TGFBR2: variants seen among roughly 807,000 people sequenced by gnomAD.
The protein encoded by TGFBR2 is TGF-beta receptor type-2.
TGFBR2 carries 18 observed loss-of-function variants against 49.0 expected under a neutral mutation model. That is an observed-to-expected ratio of 0.37 (90% CI 0.25 to 0.54). TGFBR2 has a LOEUF of 0.54. Among genes scored for constraint, TGFBR2 ranks in the 20% least tolerant of loss-of-function variants. The pLI is 0.85. For synonymous variants in TGFBR2, 282 were observed against 275.9 expected (o/e 1.02, Z -0.22); for missense variants, 525 against 722.6 (o/e 0.73, Z 3.13).
At chr3:30,662,838 C>T (rs571460861) in intron 3 of TGFBR2, among the ~76,000 whole-genome samples, 1 of 152,306 alleles carries the variant, frequency 6.6e-6, no homozygotes, top group African/African-American at 2.4e-5. Context: ...AGGAAAGCAT[C>T]TCTATGGCAG....
At chr3:30,612,611 G>C (rs1698049511) in intron 1 of TGFBR2, among the ~76,000 whole-genome samples, 1 of 152,160 alleles carries the variant, frequency 6.6e-6, no homozygotes, top group Non-Finnish European at 1.5e-5. Flanking sequence ...GTTTGACAAT[G>C]GTGTCTTAGT....
intron 3 of TGFBR2, among the ~76,000 whole-genome samples, chr3:30,655,253 G>A (rs1698973360): frequency 6.6e-6 from 1 of 152,212 alleles, no homozygotes; most frequent in South Asian, 2.1e-4. Context: ...CCAGGCCTGT[G>A]TAGCCTTCGG....
At chr3:30,651,055 C>T (rs1202038859) in intron 3 of TGFBR2, among the ~76,000 whole-genome samples, 1 of 152,098 alleles carries the variant, frequency 6.6e-6, no homozygotes, top group Non-Finnish European at 1.5e-5. Context: ...ACCCCTAGAG[C>T]CAGGAGAAGA....
chr3:30,663,403 G>T (rs1412260664), intron 3 of TGFBR2, among the ~76,000 whole-genome samples: 1 of 152,194 alleles, frequency 6.6e-6, no homozygotes, highest in Non-Finnish European at 1.5e-5. Context: ...ATTTGAATAG[G>T]TCAGACCATT....
At chr3:30,636,339 C>T (rs113753710) in intron 1 of TGFBR2, among the ~76,000 whole-genome samples, 1,773 of 152,166 alleles carry the variant, frequency 0.012, 37 homozygotes, top group African/African-American at 0.041. Context: ...ATTAGTATTA[C>T]AAAAACATGT....
Position 30,628,553 on chromosome 3 carries a change from T to C in TGFBR2, c.95-16194T>C, listed in dbSNP as rs887253535. Among the ~76,000 whole-genome samples, 9 of 134,182 alleles carry C rather than the reference T, an allele frequency of 6.7e-5. No individual in the cohort carries two copies. The East Asian group carries it at 1.0e-3, about 15-fold the overall frequency. The allele number at this position is 134,182 out of a possible 152,430, so 88.0% of individuals were successfully genotyped here. On this transcript the variant is annotated intron_variant, in intron 1 of 6. Transcript: ENST00000295754. ...GTTTTTTTTTTTTTTTTTTTTTTTT[T>C]CTCTAAAATGTTAATTTCCTTTCTT...
intron 3 of TGFBR2, among the ~76,000 whole-genome samples, chr3:30,661,021 A>G (rs1699113784): frequency 6.6e-6 from 1 of 152,208 alleles, no homozygotes; most frequent in South Asian, 2.1e-4. Context: ...AATAATGAAT[A>G]TGCTTTTCCA....
intron 5 of TGFBR2, among the ~76,000 whole-genome samples, chr3:30,687,572 A>G (rs1170349141): frequency 6.6e-6 from 1 of 152,130 alleles, no homozygotes; most frequent in Non-Finnish European, 1.5e-5. Context: ...GTTTTTCTGT[A>G]GCAAAATAGG....
chr3:30,645,491 C>CTTTTT lies in TGFBR2; in HGVS notation c.263+584_263+588dup, dbSNP rs771983813. ...TCTCTCAGCTCAGAACTACATATTT[C>CTTTTT]TTTTTTTTTTTTGAGATGGAGTCTT... On this transcript the variant is annotated intron_variant, in intron 2 of 6. Coordinates refer to ENST00000295754, the MANE Select transcript of TGFBR2 (RefSeq NM_003242.6). 4.4e-5 allele frequency among the ~76,000 whole-genome samples: 6 copies of CTTTTT among 136,318 alleles called. 2 individuals are homozygous for CTTTTT. The highest frequency in any genetic ancestry group is 7.8e-5 in the Non-Finnish European group (5 of 64,014). The allele number at this position is 136,318 out of a possible 152,430, so 89.4% of individuals were successfully genotyped here. A position where few individuals can be genotyped will look rare whatever the true frequency, so the allele number is the denominator to read the frequency against.
At chr3:30,648,432 ACACAC>A (rs1559458127) in intron 2 of TGFBR2, among the ~76,000 whole-genome samples, 1 of 90,554 alleles carries the variant, frequency 1.1e-5, no homozygotes, top group African/African-American at 5.0e-5. Flanking sequence ...ACACACACAC[ACACAC>A]ACACACACAC....
intron 2 of TGFBR2, among the ~76,000 whole-genome samples, chr3:30,648,462 A>ACACACACACACACCC (rs71786414): frequency 3.3e-5 from 5 of 149,764 alleles, no homozygotes; most frequent in East Asian, 2.0e-4. Context: ...ACACACACAC[A>ACACACACACACACCC]AAACTGTGGG....
At chr3:30,678,025 T>A (rs954833797) in intron 5 of TGFBR2, among the ~76,000 whole-genome samples, 4 of 152,220 alleles carry the variant, frequency 2.6e-5, no homozygotes, top group African/African-American at 4.8e-5. Flanking sequence ...ACCATTTTTT[T>A]AAAATCAGCA....
Position 30,664,956 on chromosome 3 carries a change from G to A in TGFBR2, c.455-6682G>A, listed in dbSNP as rs762193947. On this transcript the variant is annotated intron_variant, in intron 3 of 6. Coordinates refer to ENST00000295754, the MANE Select transcript of TGFBR2 (RefSeq NM_003242.6). ...AAGTAGTTTGGCAATTCCTCCACTC[G>A]GTAAAGGAGTTTAGGGTGAACATTT... Among the ~76,000 whole-genome samples the A allele has an allele frequency of 1.1e-4, 17 of 152,214 alleles. 1 individual carries two copies. The highest frequency in any genetic ancestry group is 2.2e-4 in the Non-Finnish European group (15 of 68,040).
intron 1 of TGFBR2, among the ~76,000 whole-genome samples, chr3:30,626,112 C>T (rs778006976): frequency 4.6e-5 from 7 of 152,120 alleles, no homozygotes; most frequent in Non-Finnish European, 7.4e-5. Context: ...CAGATGATTC[C>T]GATGTGGAAC....
chr3:30,643,070 G>T (rs745492177), intron 1 of TGFBR2, among the ~76,000 whole-genome samples: 9 of 152,138 alleles, frequency 5.9e-5, no homozygotes, highest in Non-Finnish European at 7.4e-5. Context: ...CAGGAAACAG[G>T]TGCTATGCCC....
Position 30,691,416 on chromosome 3 carries a change from A to G in TGFBR2, c.1525-4A>G, listed in dbSNP as rs1699706861. On this transcript the variant is annotated splice_polypyrimidine_tract_variant and splice_region_variant and intron_variant, in intron 6 of 6. Transcript: ENST00000295754. The stretch of plus-strand genomic sequence containing the variant: ...GTGCCCTTTGGATCTCTTTCCCGCT[A>G]CAGGGCATCCAGATGGTGTGTGAGA... 1.2e-6 allele frequency: 2 copies of G among 1,613,806 alleles called. No individual in the cohort carries two copies. The highest frequency in any genetic ancestry group is 2.7e-5 in the African/African-American group (2 of 74,890).
At position 30,691,412 on chromosome 3, in the gene TGFBR2, C is replaced by T. The variant is rs11466530; in HGVS notation, c.1525-8C>T. On this transcript the variant is annotated splice_polypyrimidine_tract_variant and splice_region_variant and intron_variant, in intron 6 of 6. Transcript: ENST00000295754. ...CATGGTGCCCTTTGGATCTCTTTCC[C>T]GCTACAGGGCATCCAGATGGTGTGT... 4.1e-4 allele frequency: 663 copies of T among 1,613,836 alleles called. 4 individuals carry two copies. The African/African-American group carries it at 7.6e-3, about 19-fold the overall frequency.
At chr3:30,617,043 AGGAGATGT>A (rs748849086) in intron 1 of TGFBR2, among the ~76,000 whole-genome samples, 3 of 151,812 alleles carry the variant, frequency 2.0e-5, no homozygotes, top group Non-Finnish European at 4.4e-5. Flanking sequence ...TGCTATGCCT[AGGAGATGT>A]AAAGCCTAAA....
intron 3 of TGFBR2, among the ~76,000 whole-genome samples, chr3:30,657,164 C>G (rs766040939): frequency 2.0e-5 from 3 of 152,174 alleles, no homozygotes; most frequent in Non-Finnish European, 2.9e-5. Context: ...AATCTTGTCT[C>G]TTATAGAAGG....
Sources: gnomAD v4.1 joint callset for allele counts (sites outside exome capture counted in the v4.1 genomes callset) on GRCh38, gnomAD v4.1.1 for gene constraint, MANE v1.5 for transcripts, NCBI Gene and HGNC (gene_info 2026-07-23, HGNC 2026-07-21) for gene names.